BBS9: variants seen among roughly 807,000 people sequenced by gnomAD.
BBS9 encodes the protein Bardet-Biedl syndrome 9.
In BBS9, 89 loss-of-function variants were observed where a neutral mutation model predicts 117.7. That is an observed-to-expected ratio of 0.76 (90% CI 0.64 to 0.90). The LOEUF (loss-of-function observed/expected upper bound fraction) is 0.90. Among genes scored for constraint, BBS9 ranks in the 40% least tolerant of loss-of-function variants. BBS9 has a pLI of 0.00. For synonymous variants in BBS9, 379 were observed against 370.9 expected, an observed-to-expected ratio of 1.02 and a Z score of -0.25; for missense variants, 982 against 1,042.2, an observed-to-expected ratio of 0.94 and a Z score of 0.80.
intron 9 of BBS9, among the ~76,000 whole-genome samples, chr7:33,330,323 T>G (rs538339500): frequency 1.8e-4 from 27 of 152,300 alleles, no homozygotes; most frequent in African/African-American, 5.3e-4. Context: ...TCTATAAAAT[T>G]GTTTTTATAG....
intron 5 of BBS9, among the ~76,000 whole-genome samples, chr7:33,209,058 T>G (rs1020407724): frequency 3.9e-5 from 6 of 152,156 alleles, no homozygotes; most frequent in Non-Finnish European, 8.8e-5. Flanking sequence ...ATTCTTTCTA[T>G]TTTTTTGTAC....
At chr7:33,419,317 T>C (rs1832511654) in intron 19 of BBS9, among the ~76,000 whole-genome samples, 1 of 152,194 alleles carries the variant, frequency 6.6e-6, no homozygotes, top group Non-Finnish European at 1.5e-5. Flanking sequence ...AAATAAAATG[T>C]ACCTTTTTTG....
At chr7:33,296,035 A>T (rs1805200119) in intron 9 of BBS9, among the ~76,000 whole-genome samples, 1 of 152,136 alleles carries the variant, frequency 6.6e-6, no homozygotes, top group African/African-American at 2.4e-5. Context: ...TGGCCTATTA[A>T]TCACAGAATT....
At chr7:33,545,027 G>T (rs968708273) in intron 21 of BBS9, among the ~76,000 whole-genome samples, 1 of 152,072 alleles carries the variant, frequency 6.6e-6, no homozygotes, top group African/African-American at 2.4e-5. Flanking sequence ...CTGAAGGGCT[G>T]GTCTCACACC....
At chr7:33,440,761 T>C (rs901293906) in intron 19 of BBS9, among the ~76,000 whole-genome samples, 1 of 152,240 alleles carries the variant, frequency 6.6e-6, no homozygotes, top group Non-Finnish European at 1.5e-5. Context: ...CAGTATACCA[T>C]TGCACGAGGT....
At chr7:33,579,694 G>A (rs1013806303) in intron 21 of BBS9, among the ~76,000 whole-genome samples, 2 of 152,074 alleles carry the variant, frequency 1.3e-5, no homozygotes, top group Non-Finnish European at 2.9e-5. Flanking sequence ...TACCCCTGAT[G>A]ATGGTGAAAA....
chr7:33,458,425 C>T (rs1363864579), intron 19 of BBS9, among the ~76,000 whole-genome samples: 1 of 152,286 alleles, frequency 6.6e-6, no homozygotes, highest in East Asian at 1.9e-4. Context: ...ATTAGACTTT[C>T]ATTTAAATTT....
chr7:33,553,107 C>G (rs1854711272), intron 21 of BBS9, among the ~76,000 whole-genome samples: 2 of 152,212 alleles, frequency 1.3e-5, no homozygotes, highest in South Asian at 4.1e-4. Context: ...GTCTCACTGG[C>G]TGACTTATAG....
At chr7:33,261,389 A>C (rs191348855) in intron 6 of BBS9, among the ~76,000 whole-genome samples, 20 of 152,348 alleles carry the variant, frequency 1.3e-4, no homozygotes, top group Admixed American at 1.2e-3. Flanking sequence ...GAGAACTGAT[A>C]AAAGAGTGAA....
chr7:33,326,429 C>G (rs1812868525), intron 9 of BBS9, among the ~76,000 whole-genome samples: 1 of 152,058 alleles, frequency 6.6e-6, no homozygotes, highest in Non-Finnish European at 1.5e-5. Context: ...TGTCCGAGAG[C>G]CAAGGATTAG....
intron 5 of BBS9, among the ~76,000 whole-genome samples, chr7:33,246,786 A>G (rs1795401871): frequency 6.6e-6 from 1 of 152,062 alleles, no homozygotes; most frequent in African/African-American, 2.4e-5. Flanking sequence ...AGGGAGAGAG[A>G]GAATACGAAT....
rs532623905 is a variant in BBS9 at position 33,343,530 on chromosome 7, G to A, written c.1276-1051G>A. Among the ~76,000 whole-genome samples the A allele has an allele frequency of 2.0e-5, 3 of 149,864 alleles. No individual in the cohort carries two copies. In the South Asian group the frequency reaches 6.4e-4, roughly 32 times the overall value. ...CCCTTTATTTTTGAGACAGAGTCTC[G>A]CTCTTTCACCCAGGCTGGAGTGAAG... On this transcript the variant is annotated intron_variant, in intron 11 of 22. Coordinates refer to ENST00000242067, the MANE Select transcript of BBS9 (RefSeq NM_198428.3).
intron 21 of BBS9, among the ~76,000 whole-genome samples, chr7:33,536,596 C>A (rs1851405110): frequency 6.8e-6 from 1 of 146,302 alleles, no homozygotes; most frequent in Admixed American, 6.8e-5. Flanking sequence ...CACTGTGCTT[C>A]CCTCTAGACC....
intron 21 of BBS9, among the ~76,000 whole-genome samples, chr7:33,603,137 G>A (rs1229966508): frequency 6.6e-6 from 1 of 152,138 alleles, no homozygotes; most frequent in Non-Finnish European, 1.5e-5. Context: ...GCTGGGGGAC[G>A]TCTCTTCCTT....
At chr7:33,198,766 C>G (rs2128206812) in intron 5 of BBS9, among the ~76,000 whole-genome samples, 1 of 152,056 alleles carries the variant, frequency 6.6e-6, no homozygotes, top group Middle Eastern at 3.4e-3. Flanking sequence ...CTGTGCTTAG[C>G]TTTTCCACAA....
chr7:33,210,068 T>C (rs1787728033), intron 5 of BBS9, among the ~76,000 whole-genome samples: 1 of 152,172 alleles, frequency 6.6e-6, no homozygotes. Context: ...TCACTGTATT[T>C]CATAGGTTTC....
intron 5 of BBS9, among the ~76,000 whole-genome samples, chr7:33,180,451 C>CGGA (rs1797940351): frequency 6.7e-6 from 1 of 150,364 alleles, no homozygotes. Context: ...ACCTCCGACT[C>CGGA]CCTGGTTCAA....
At chr7:33,179,680 A>G (rs1180517508) in intron 5 of BBS9, among the ~76,000 whole-genome samples, 1 of 152,200 alleles carries the variant, frequency 6.6e-6, no homozygotes, top group Non-Finnish European at 1.5e-5. Flanking sequence ...CAATGTAATA[A>G]TAATAGAAAT....
intron 9 of BBS9, among the ~76,000 whole-genome samples, chr7:33,320,084 T>A (rs564009830): frequency 6.6e-6 from 1 of 152,194 alleles, no homozygotes; most frequent in Non-Finnish European, 1.5e-5. Context: ...CTTCAAGTAC[T>A]TATCCCTTCT....
Sources: gnomAD v4.1 joint callset for allele counts (sites outside exome capture counted in the v4.1 genomes callset) on GRCh38, gnomAD v4.1.1 for gene constraint, MANE v1.5 for transcripts, NCBI Gene and HGNC (gene_info 2026-07-23, HGNC 2026-07-21) for gene names.